Variants in TCF4 observed in about 807,000 individuals in gnomAD.
TCF4 encodes the protein transcription factor 4.
A neutral mutation model predicts 82.1 loss-of-function variants in TCF4; 3 were observed. The observed-to-expected ratio is 0.04, with a 90% confidence interval of 0.02 to 0.09. TCF4 has a LOEUF of 0.09. Ranked by LOEUF, TCF4 falls within the 10% of genes least tolerant of loss-of-function variation. TCF4 has a pLI of 1.00. For missense variants in TCF4, 518 were observed against 852.7 expected (o/e 0.61, Z 4.89); for synonymous variants, 276 against 309.6 (o/e 0.89, Z 1.14).
At position 55,276,885 on chromosome 18, in the gene TCF4, G is replaced by A. The variant is rs370311812; in HGVS notation, c.656-1133C>T. Among the ~76,000 whole-genome samples the A allele has an allele frequency of 3.3e-5, 5 of 152,066 alleles. No homozygotes were observed. In the East Asian group the frequency reaches 5.8e-4, roughly 18 times the overall value. Reference sequence around the variant, plus strand: ...TCTTTTTCATTGAGTTCTTAAATCCGGAAGTTAGAATTTTGTAACTGGACT... The same window carrying A: ...TCTTTTTCATTGAGTTCTTAAATCCAGAAGTTAGAATTTTGTAACTGGACT... On this transcript the variant is annotated intron_variant, in intron 9 of 19. Transcript: ENST00000354452.
intron 6 of TCF4, among the ~76,000 whole-genome samples, chr18:55,362,339 GAGGA>G (rs765447444): frequency 0.016 from 1,128 of 68,520 alleles, 39 homozygotes; most frequent in African/African-American, 0.032. Context: ...AAAAAAAAAA[GAGGA>G]AGGAAGGAAG....
chr18:55,455,179 C>CAAA (rs35889370), intron 5 of TCF4, among the ~76,000 whole-genome samples: 32 of 67,458 alleles, frequency 4.7e-4, no homozygotes, highest in African/African-American at 7.2e-4. Flanking sequence ...GACTCTGTCT[C>CAAA]AAAAAAAAAA....
intron 6 of TCF4, chr18:55,401,594 A>G (rs1446172153): frequency 2.0e-6 from 2 of 988,732 alleles, no homozygotes; most frequent in Non-Finnish European, 2.4e-6. Context: ...TGTTTGGAAA[A>G]AAAAAAAAAT....
chr18:55,275,210 G>T (rs2061221978), intron 10 of TCF4, among the ~76,000 whole-genome samples: 1 of 145,566 alleles, frequency 6.9e-6, no homozygotes, highest in South Asian at 2.3e-4. Flanking sequence ...ATGCTCCTGG[G>T]TGATGCATAT....
chr18:55,319,635 T>C (rs188417125), intron 8 of TCF4, among the ~76,000 whole-genome samples: 1 of 152,158 alleles, frequency 6.6e-6, no homozygotes, highest in Admixed American at 6.5e-5. Context: ...TATAAATACA[T>C]TTCCTGTGAC....
chr18:55,471,756 ACT>A (rs2096185325), intron 3 of TCF4, among the ~76,000 whole-genome samples: 1 of 132,084 alleles, frequency 7.6e-6, no homozygotes, highest in Admixed American at 7.8e-5. Flanking sequence ...ACTGAGCAAG[ACT>A]CTGTCTCAAA....
chr18:55,586,679 G>T (rs960624130), intron 2 of TCF4, among the ~76,000 whole-genome samples: 7 of 152,082 alleles, frequency 4.6e-5, no homozygotes, highest in African/African-American at 1.7e-4. Flanking sequence ...TAAATAAAAC[G>T]AAGAGTAGTG....
intron 3 of TCF4, among the ~76,000 whole-genome samples, chr18:55,560,710 A>G (rs1400144749): frequency 2.6e-5 from 4 of 152,194 alleles, no homozygotes; most frequent in Non-Finnish European, 5.9e-5. Flanking sequence ...TAAGTAATAA[A>G]GTCATGATAA....
intron 3 of TCF4, among the ~76,000 whole-genome samples, chr18:55,526,980 GAACC>G (rs2146619409): frequency 6.6e-6 from 1 of 152,240 alleles, no homozygotes; most frequent in East Asian, 1.9e-4. Context: ...CAAGATGTTA[GAACC>G]AACCTATCCC....
At chr18:55,551,926 G>T (rs1276532717) in intron 3 of TCF4, among the ~76,000 whole-genome samples, 1 of 152,056 alleles carries the variant, frequency 6.6e-6, no homozygotes, top group Non-Finnish European at 1.5e-5. Flanking sequence ...GCTGAATTAG[G>T]CCCCAGACTG....
chr18:55,424,666 C>T (rs1212396351), intron 5 of TCF4, among the ~76,000 whole-genome samples: 3 of 152,184 alleles, frequency 2.0e-5, no homozygotes, highest in African/African-American at 7.2e-5. Context: ...AAAAAAACTT[C>T]ATCACACCAC....
intron 3 of TCF4, among the ~76,000 whole-genome samples, chr18:55,533,800 A>G (rs1240262564): frequency 6.6e-6 from 1 of 152,026 alleles, no homozygotes; most frequent in Admixed American, 6.5e-5. Context: ...TCTTTTCATC[A>G]CCATGTTTCT....
chr18:55,463,580 C>T (rs1234698400), intron 4 of TCF4, among the ~76,000 whole-genome samples: 1 of 152,168 alleles, frequency 6.6e-6, no homozygotes, highest in African/African-American at 2.4e-5. Flanking sequence ...AACATGTCTA[C>T]ATAGCGAAAT....
intron 3 of TCF4, among the ~76,000 whole-genome samples, chr18:55,525,188 A>AGG (rs2096968988): frequency 6.6e-6 from 1 of 151,758 alleles, no homozygotes; most frequent in Non-Finnish European, 1.5e-5. Flanking sequence ...TTTTTTTCAC[A>AGG]TGCCATGTTC....
chr18:55,397,973 C>T (rs2093598212), intron 6 of TCF4, among the ~76,000 whole-genome samples: 1 of 151,988 alleles, frequency 6.6e-6, no homozygotes, highest in Non-Finnish European at 1.5e-5. Context: ...GTTCTGGATG[C>T]TCAAAAATTT....
intron 8 of TCF4, among the ~76,000 whole-genome samples, chr18:55,308,938 A>G (rs910446886): frequency 1.3e-5 from 2 of 152,148 alleles, no homozygotes; most frequent in Non-Finnish European, 2.9e-5. Context: ...GCACCTCCCC[A>G]TGGAACTTTC....
chr18:55,379,975 C>T (rs1159325561), intron 6 of TCF4, among the ~76,000 whole-genome samples: 1 of 152,090 alleles, frequency 6.6e-6, no homozygotes, highest in African/African-American at 2.4e-5. Context: ...CCGGGCTCAG[C>T]TGATCCTCTC....
chr18:55,303,240 C>CAT (rs1015754790), intron 8 of TCF4, among the ~76,000 whole-genome samples: 2 of 150,130 alleles, frequency 1.3e-5, no homozygotes, highest in African/African-American at 4.9e-5. Flanking sequence ...CACACACACA[C>CAT]ACACACACAC....
At chr18:55,353,433 A>T (rs577240901) in intron 6 of TCF4, among the ~76,000 whole-genome samples, 1 of 152,114 alleles carries the variant, frequency 6.6e-6, no homozygotes. Context: ...GTTAATCTTT[A>T]TTTTTTTCAC....
Sources: gnomAD v4.1 joint callset for allele counts (sites outside exome capture counted in the v4.1 genomes callset) on GRCh38, gnomAD v4.1.1 for gene constraint, MANE v1.5 for transcripts, NCBI Gene and HGNC (gene_info 2026-07-23, HGNC 2026-07-21) for gene names.